The following IRAK2 variants were observed in gnomAD, a reference collection of about 807,000 sequenced individuals.
IRAK2 encodes interleukin-1 receptor-associated kinase-like 2.
A neutral mutation model predicts 72.0 loss-of-function variants in IRAK2; 57 were observed. The ratio of observed to expected loss-of-function variants is 0.79; its 90% confidence interval spans 0.64 to 0.99. The LOEUF is 0.99. Among genes scored for constraint, IRAK2 ranks in the 50% least tolerant of loss-of-function variants. The pLI is 0.00. For synonymous variants in IRAK2, 293 were observed against 312.7 expected (o/e 0.94, Z 0.67); for missense variants, 790 against 794.4 (o/e 0.99, Z 0.07).
chr3:10,196,494 C>A (rs145789411), intron 2 of IRAK2, among the ~76,000 whole-genome samples: 67 of 152,346 alleles, frequency 4.4e-4, no homozygotes, highest in Admixed American at 1.1e-3. Context: ...GTGATTCCTG[C>A]AGGCAAGGCC....
chr3:10,184,974 G>A lies in IRAK2; in HGVS notation c.277+6954G>A, dbSNP rs113144440. ...GGGTGATCTCCTGACCTCGTGATCC[G>A]CCCGCCTTGGCCTCCCAAAGTGCTG... On this transcript the variant is annotated intron_variant, in intron 2 of 12. Transcript: ENST00000256458. 3.6e-3 allele frequency among the ~76,000 whole-genome samples: 547 copies of A among 150,264 alleles called. 2 individuals carry two copies. The highest frequency in any genetic ancestry group is 6.1e-3 in the Non-Finnish European group (417 of 67,810).
intron 6 of IRAK2, 86 bp downstream of exon 6, chr3:10,213,634 T>G (rs1428460477): frequency 2.0e-6 from 2 of 1,005,366 alleles, no homozygotes; most frequent in Non-Finnish European, 3.2e-6. Flanking sequence ...AAGCACTCTA[T>G]TATATATAAA....
intron 2 of IRAK2, among the ~76,000 whole-genome samples, chr3:10,194,070 G>A (rs564620976): frequency 3.3e-5 from 5 of 152,374 alleles, no homozygotes; most frequent in African/African-American, 1.2e-4. Flanking sequence ...CAGTGTTGTG[G>A]GCCCCTGCCC....
intron 3 of IRAK2, among the ~76,000 whole-genome samples, chr3:10,208,135 G>C (rs1697459788): frequency 6.6e-6 from 1 of 152,010 alleles, no homozygotes; most frequent in African/African-American, 2.4e-5. Context: ...GGTGAGGTGG[G>C]CCATGGTGGC....
intron 10 of IRAK2, among the ~76,000 whole-genome samples, chr3:10,230,359 A>T (rs892537477): frequency 2.0e-5 from 3 of 151,502 alleles, no homozygotes; most frequent in Non-Finnish European, 4.4e-5. Context: ...CTTCTTTGTC[A>T]CGAAGGCTGG....
rs1697812708 is a variant in IRAK2, at chr3:10,228,451, T to G, written c.1272+2018T>G. On this transcript the variant is annotated intron_variant, in intron 10 of 12. Coordinates refer to ENST00000256458, the MANE Select transcript of IRAK2 (RefSeq NM_001570.4). Reference sequence around the variant, plus strand: ...TGGTTTGGGGCTGTTTGGGGGCAGTTTCTCATCTCCTGACTATTTTCTTGA... The same window carrying G: ...TGGTTTGGGGCTGTTTGGGGGCAGTGTCTCATCTCCTGACTATTTTCTTGA... Among the ~76,000 whole-genome samples the G allele has an allele frequency of 3.3e-5, 5 of 152,178 alleles. No individual in the cohort carries two copies. The South Asian group carries it at 1.0e-3, about 32-fold the overall frequency.
chr3:10,229,416 G>A (rs1255580988), intron 10 of IRAK2, among the ~76,000 whole-genome samples: 1 of 152,186 alleles, frequency 6.6e-6, no homozygotes, highest in East Asian at 1.9e-4. Context: ...CGCCCAGCCT[G>A]TATGAGTTTT....
chr3:10,191,896 A>G (rs573501103), intron 2 of IRAK2, among the ~76,000 whole-genome samples: 1 of 152,354 alleles, frequency 6.6e-6, no homozygotes, highest in East Asian at 1.9e-4. Context: ...GAATGAATGA[A>G]TGAGAAAGAA....
At chr3:10,226,564 C>T (rs1009148869) in intron 10 of IRAK2, 131 bp downstream of exon 10, 13 of 674,126 alleles carry the variant, frequency 1.9e-5, no homozygotes, top group Admixed American at 1.3e-4. Context: ...CATTTGCATC[C>T]CCACAAAGCA....
intron 11 of IRAK2, among the ~76,000 whole-genome samples, chr3:10,237,927 C>T (rs1451567728): frequency 1.1e-5 from 1 of 89,862 alleles, no homozygotes; most frequent in Non-Finnish European, 2.4e-5. Context: ...TGTATGTGTG[C>T]TCTGTGTGTG....
At chr3:10,196,821 G>T (rs145312763) in intron 2 of IRAK2, among the ~76,000 whole-genome samples, 570 of 152,258 alleles carry the variant, frequency 3.7e-3, no homozygotes, top group African/African-American at 0.013. Context: ...AATACACAAC[G>T]TGGACATTCG....
At chr3:10,191,209 T>G (rs1250757115) in intron 2 of IRAK2, among the ~76,000 whole-genome samples, 2 of 151,718 alleles carry the variant, frequency 1.3e-5, no homozygotes, top group East Asian at 1.9e-4. Flanking sequence ...GCAGGAGAAT[T>G]GCTTGAACCC....
intron 6 of IRAK2, among the ~76,000 whole-genome samples, chr3:10,215,765 C>T (rs147177486): frequency 9.9e-5 from 15 of 151,882 alleles, no homozygotes; most frequent in African/African-American, 3.4e-4. Flanking sequence ...CACACACACA[C>T]ACACACACAG....
chr3:10,164,949 C>T lies in IRAK2; in HGVS notation c.-6C>T, dbSNP rs776932620. On this transcript the variant is annotated 5_prime_UTR_variant, in exon 1 of 13. Coordinates refer to ENST00000256458, the MANE Select transcript of IRAK2 (RefSeq NM_001570.4). ...TCCCGCGCCGGAGCCGGCCCCGTAG[C>T]GTGCCATGGCCTGCTACATCTACCA... is the stretch of plus-strand genomic sequence containing the variant. 8.7e-6 allele frequency: 14 copies of T among 1,604,266 alleles called. No homozygotes were observed. In the East Asian group the frequency reaches 3.2e-4, roughly 36 times the overall value.
intron 10 of IRAK2, among the ~76,000 whole-genome samples, chr3:10,230,604 C>T (rs761083125): frequency 6.6e-6 from 1 of 152,162 alleles, no homozygotes; most frequent in Non-Finnish European, 1.5e-5. Flanking sequence ...GATAAGGTCT[C>T]TGCCACCCTG....
intron 4 of IRAK2, 34 bp from the exon 5 acceptor site, chr3:10,213,173 T>C: frequency 2.6e-6 from 4 of 1,568,478 alleles, no homozygotes; most frequent in Non-Finnish European, 3.5e-6. Context: ...CGAGATTCCA[T>C]AGTAATCTCC....
At chr3:10,191,293 T>C (rs938128796) in intron 2 of IRAK2, among the ~76,000 whole-genome samples, 2 of 110,268 alleles carry the variant, frequency 1.8e-5, no homozygotes, top group African/African-American at 8.0e-5. Context: ...AGAATCTGTC[T>C]CAAAAAAAAA....
At position 10,242,287 on chromosome 3, in the gene IRAK2, G is replaced by A; in HGVS notation, c.*59G>A. 9.9e-7 allele frequency: 1 copy of A among 1,009,924 alleles called. No homozygotes were observed. The highest frequency in any genetic ancestry group is 1.5e-6 in the Non-Finnish European group (1 of 662,766). 62.6% of individuals were successfully genotyped at this position (1,009,924 alleles called of 1,614,324 possible). On this transcript the variant is annotated 3_prime_UTR_variant, in exon 13 of 13. Transcript: ENST00000256458. ...GTTGGAAAGATGAGCATCAGATCAA[G>A]AAAAAGGTCTGAGGCAGAATCCAAG...
rs548250412 is a variant in IRAK2 at position 10,226,897 on chromosome 3, G to A, written c.1272+464G>A. On this transcript the variant is annotated intron_variant, in intron 10 of 12. Coordinates refer to ENST00000256458, the MANE Select transcript of IRAK2 (RefSeq NM_001570.4). ...GGAGGCAGAGGTTGCAGTGAACCAA[G>A]ATTATGCCACTGCACTCCAGCCTGG... 5.0e-5 allele frequency among the ~76,000 whole-genome samples: 7 copies of A among 139,202 alleles called. No homozygotes were observed. The South Asian group carries it at 1.5e-3, about 31-fold the overall frequency. The allele number at this position is 139,202 out of a possible 152,430, so 91.3% of individuals were successfully genotyped here. A position where few individuals can be genotyped will look rare whatever the true frequency, so the allele number is the denominator to read the frequency against.
Sources: allele counts gnomAD v4.1 joint callset (sites outside exome capture counted in the v4.1 genomes callset), GRCh38; gene constraint gnomAD v4.1.1; transcripts MANE v1.5; gene names NCBI Gene and HGNC (gene_info 2026-07-23, HGNC 2026-07-21).